SLC29A4: variants seen among roughly 807,000 people sequenced by gnomAD.
The protein encoded by SLC29A4 is equilibrative nucleoside transporter 4.
In SLC29A4, 36 loss-of-function variants were observed where a neutral mutation model predicts 43.9. The ratio of observed to expected loss-of-function variants is 0.82; its 90% CI spans 0.63 to 1.08. The LOEUF is 1.08. SLC29A4 is among the 50% of genes least tolerant of loss of function. SLC29A4 has a pLI of 0.00. For missense variants in SLC29A4, 869 were observed against 755.3 expected, an observed-to-expected ratio of 1.15 and a Z score of -1.77; for synonymous variants, 491 against 338.0, an observed-to-expected ratio of 1.45 and a Z score of -4.97.
At chr7:5,292,206 A>C (rs144472932) in intron 5 of SLC29A4, among the ~76,000 whole-genome samples, 79 of 152,110 alleles carry the variant, frequency 5.2e-4, no homozygotes, top group Middle Eastern at 3.4e-3. Flanking sequence ...AACCTCCTGG[A>C]CTCAAGCCAT....
chr7:5,300,422 A>G lies in SLC29A4; in HGVS notation c.1210A>G (p.Ile404Val), dbSNP rs1231949646. 2 of 1,611,048 alleles carry G rather than the reference A, an allele frequency of 1.2e-6. No individual in the cohort carries two copies. Among genetic ancestry groups the G allele is most frequent in the Admixed American group, 3.3e-5 (2 of 59,940 alleles). Reference sequence around the variant, plus strand: ...CGCCCACTTGCCTGGCTCTCTGCAGATCCTGGCAGCCCTGCCCGTGGACTG... The same window carrying G: ...CGCCCACTTGCCTGGCTCTCTGCAGGTCCTGGCAGCCCTGCCCGTGGACTG... ...VFNLSDFVGK[I>V]LAALPVDWRG... is the part of the protein sequence containing the mutation. Residue 404 changes from isoleucine to valine, a missense_variant and splice_region_variant, in exon 10 of 11, where the codon ATC becomes GTC. Coordinates refer to ENST00000396872, the MANE Select transcript of SLC29A4 (RefSeq NM_153247.4).
intron 2 of SLC29A4, among the ~76,000 whole-genome samples, chr7:5,288,979 C>T (rs1255191245): frequency 1.3e-5 from 2 of 152,126 alleles, no homozygotes; most frequent in South Asian, 2.1e-4. Context: ...GATACTGTGT[C>T]AGTGTGGTTG....
chr7:5,290,864 G>C lies in SLC29A4; in HGVS notation c.301+1G>C. On this transcript the variant is annotated splice_donor_variant, in intron 3 of 10. Coordinates refer to ENST00000396872, the MANE Select transcript of SLC29A4 (RefSeq NM_153247.4). LOFTEE classifies it high-confidence loss of function. ...GACTACCTGCATCACAAGTACCCAG[G>C]TGGGTCCCTCCACGGTCACGCCCAG... 1 of 1,610,116 alleles carries C rather than the reference G, an allele frequency of 6.2e-7. No individual in the cohort carries two copies. The highest frequency in any genetic ancestry group is 1.1e-5 in the South Asian group (1 of 90,874).
rs1172248429 is a variant in SLC29A4 at position 5,287,434 on chromosome 7, A to AAAAAAAAGG, written c.-8-367_-8-366insGAAAAAAAG. On this transcript the variant is annotated intron_variant, in intron 1 of 10. Transcript: ENST00000396872. ...CCCTGTCTGAAAAAAAAAAAAAAAG[A>AAAAAAAAGG]AAAAAAAGACATACCAGGTGACATT... Among the ~76,000 whole-genome samples the AAAAAAAAGG allele has an allele frequency of 3.4e-3, 515 of 151,246 alleles. 4 individuals are homozygous for AAAAAAAAGG. Among genetic ancestry groups the AAAAAAAAGG allele is most frequent in the African/African-American group, 0.012 (483 of 41,060 alleles).
chr7:5,283,469 C>CCGGGCTT (rs962904860), intron 1 of SLC29A4, among the ~76,000 whole-genome samples: 40 of 152,236 alleles, frequency 2.6e-4, no homozygotes, highest in African/African-American at 9.6e-4. Context: ...GGCCTGGGCT[C>CCGGGCTT]CGGGGTCACC....
At chr7:5,298,100 G>T (rs1393472207) in intron 7 of SLC29A4, among the ~76,000 whole-genome samples, 3 of 152,206 alleles carry the variant, frequency 2.0e-5, no homozygotes, top group Non-Finnish European at 2.9e-5. Context: ...CCTCGTTCCT[G>T]AGGGTCGGGA....
Position 5,300,657 on chromosome 7 carries a change from T to C in SLC29A4, c.1445T>C (p.Leu482Pro). 3 of 1,607,802 alleles carry C rather than the reference T, an allele frequency of 1.9e-6. No homozygotes were observed. The highest frequency in any genetic ancestry group is 4.5e-5 in the East Asian group (2 of 44,814). ...AGKVSPKQRELAGNTMTVSYM... is the reference protein window; with the variant it reads ...AGKVSPKQREPAGNTMTVSYM... The stretch of plus-strand genomic sequence containing the variant: ...AAAGTGAGCCCCAAGCAGCGGGAGC[T>C]GGCAGGTGAGGCCCGCGGGACGTGG... Residue 482 changes from leucine (L) to proline (P), a missense_variant, in exon 10 of 11, where the codon CTG becomes CCG. By Grantham distance (98) the Leu-to-Pro change is moderately conservative. Coordinates refer to ENST00000396872, the MANE Select transcript of SLC29A4 (RefSeq NM_153247.4).
rs1397212286 is a variant in SLC29A4 at position 5,286,138 on chromosome 7, C to T, written c.-8-1671C>T. On this transcript the variant is annotated intron_variant, in intron 1 of 10. Coordinates refer to ENST00000396872, the MANE Select transcript of SLC29A4 (RefSeq NM_153247.4). ...GGAAACTGAGGCACTACATTCAGCA[C>T]TCAGTGCTGTGCTGTCCTCTCTGTT... 1.3e-5 allele frequency among the ~76,000 whole-genome samples: 2 copies of T among 152,310 alleles called. 1 individual carries two copies. The highest frequency in any genetic ancestry group is 2.9e-5 in the Non-Finnish European group (2 of 68,036).
At chr7:5,290,702 C>T (rs748872385) in intron 2 of SLC29A4, 30 bp from the exon 3 acceptor site, 6 of 1,589,796 alleles carry the variant, frequency 3.8e-6, no homozygotes, top group Non-Finnish European at 3.4e-6. Context: ...GTGGAGCGTG[C>T]CCCGTCTCAC....
Position 5,302,970 on chromosome 7 carries a change from G to C in SLC29A4, c.*31G>C, listed in dbSNP as rs1392053629. Reference sequence around the variant, plus strand: ...CCCCGCCCACTGCCAGGGACGCCGAGGGCCTGACCAGGGGCCCCGAGGCCT... The same window carrying C: ...CCCCGCCCACTGCCAGGGACGCCGACGGCCTGACCAGGGGCCCCGAGGCCT... On this transcript the variant is annotated 3_prime_UTR_variant, in exon 11 of 11. Coordinates refer to ENST00000396872, the MANE Select transcript of SLC29A4 (RefSeq NM_153247.4). 3.8e-6 allele frequency: 6 copies of C among 1,593,272 alleles called. No homozygotes were observed. In the East Asian group the frequency reaches 1.4e-4, roughly 36 times the overall value.
chr7:5,293,551 C>T (rs1037366203), intron 5 of SLC29A4, among the ~76,000 whole-genome samples: 4 of 152,114 alleles, frequency 2.6e-5, no homozygotes, highest in African/African-American at 4.8e-5. Context: ...CCTGTAAACA[C>T]GTGTGTGTAT....
intron 1 of SLC29A4, among the ~76,000 whole-genome samples, chr7:5,287,018 C>T (rs1300096897): frequency 6.6e-6 from 1 of 152,252 alleles, no homozygotes; most frequent in Non-Finnish European, 1.5e-5. Context: ...CCCACTGCCA[C>T]CATGCAGGCC....
Position 5,291,774 on chromosome 7 carries a change from A to T in SLC29A4, c.497A>T (p.Tyr166Phe). Residue 166 changes from tyrosine to phenylalanine, a missense_variant, in exon 5 of 11, where the codon TAC becomes TTC. Physicochemically the swap from Tyr to Phe is conservative, Grantham distance 22. Transcript: ENST00000396872. The part of the protein sequence containing the change: ...WLQLFSRDQA[Y>F]AINLAAVGTV... ...CAGCTCTTCTCTCGGGACCAGGCCT[A>T]CGCCATCAACCTGGCCGCTGTGGGC... 6.2e-7 allele frequency: 1 copy of T among 1,611,990 alleles called. No homozygotes were observed. Among genetic ancestry groups the T allele is most frequent in the Non-Finnish European group, 8.5e-7 (1 of 1,179,820 alleles).
Position 5,291,713 on chromosome 7 carries a change from C to T in SLC29A4, c.436C>T (p.Pro146Ser). The T allele has an allele frequency of 1.2e-6, 2 of 1,611,674 alleles. No homozygotes were observed. The highest frequency in any genetic ancestry group is 1.7e-6 in the Non-Finnish European group (2 of 1,179,646). ...AACAGGCTACCTCTTAGCCTTGGGC[C>T]CTCTCCTTTTTATCAGCATCTGCGA... ...ITAGYLLALG[P>S]LLFISICDVW... The change falls in exon 5 of 11, where the codon CCT (proline) becomes TCT (serine). Residue 146 changes from proline to serine, a missense_variant. Pro to Ser is a moderately conservative substitution (Grantham distance 74, BLOSUM62 -1). Transcript: ENST00000396872.
chr7:5,293,881 C>T (rs1414396171), intron 5 of SLC29A4, among the ~76,000 whole-genome samples: 2 of 152,092 alleles, frequency 1.3e-5, no homozygotes, highest in Non-Finnish European at 2.9e-5. Context: ...CTGAGGCGGA[C>T]AGATCACGAG....
chr7:5,299,816 C>G (rs1301148641), intron 9 of SLC29A4, among the ~76,000 whole-genome samples: 3 of 152,208 alleles, frequency 2.0e-5, no homozygotes, highest in Non-Finnish European at 2.9e-5. Context: ...TTCAGGAGGC[C>G]AGAGATGGGT....
chr7:5,306,404 A>G lies in SLC29A4; in HGVS notation c.*3465A>G, dbSNP rs541966172. ...GAGACGGGGTTTCACCACATTGCTC[A>G]GGCTGGTCTGAAACTCCTGGCCTGA... On this transcript the variant is annotated 3_prime_UTR_variant, in exon 11 of 11. Transcript: ENST00000396872. The G allele has an allele frequency of 1.3e-5, 2 of 151,864 alleles. No individual in the cohort carries two copies. Among genetic ancestry groups the G allele is most frequent in the South Asian group, 4.2e-4 (2 of 4,804 alleles). 9.4% of individuals were successfully genotyped at this position (151,864 alleles called of 1,614,324 possible).
intron 5 of SLC29A4, among the ~76,000 whole-genome samples, chr7:5,293,744 G>C (rs917406501): frequency 6.6e-6 from 1 of 152,104 alleles, no homozygotes; most frequent in Non-Finnish European, 1.5e-5. Context: ...TCATGGGCTC[G>C]AGGGAGAGGC....
Position 5,303,013 on chromosome 7 carries a change from C to G in SLC29A4, c.*74C>G. ...CGAGGCCTGAGGGCCCCTCCCCTGT[C>G]CCCACCTCAGTGCCTGCGGGGCCCT... On this transcript the variant is annotated 3_prime_UTR_variant, in exon 11 of 11. Transcript: ENST00000396872. 2 of 1,520,132 alleles carry G rather than the reference C, an allele frequency of 1.3e-6. No homozygotes were observed. Among genetic ancestry groups the G allele is most frequent in the East Asian group, 4.8e-5 (2 of 41,508 alleles). The allele number at this position is 1,520,132 out of a possible 1,614,324, so 94.2% of individuals were successfully genotyped here.
Sources: gnomAD v4.1 joint callset for allele counts (sites outside exome capture counted in the v4.1 genomes callset) on GRCh38, gnomAD v4.1.1 for gene constraint, MANE v1.5 for transcripts, NCBI Gene and HGNC (gene_info 2026-07-23, HGNC 2026-07-21) for gene names.